The following LAMP2 variants were observed in gnomAD, a reference collection of about 807,000 sequenced individuals.
The protein encoded by LAMP2 is lysosome-associated membrane glycoprotein 2.
LAMP2 carries 4 observed loss-of-function variants against 25.6 expected under a neutral mutation model. The ratio of observed to expected loss-of-function variants is 0.16; its 90% CI spans 0.08 to 0.36. LAMP2 has a LOEUF of 0.36. Among genes scored for constraint, LAMP2 ranks in the 10% least tolerant of loss-of-function variants. LAMP2 has a pLI of 1.00. For missense variants in LAMP2, 272 were observed against 301.4 expected, an observed-to-expected ratio of 0.90 and a Z score of 0.72; for synonymous variants, 108 against 112.7, an observed-to-expected ratio of 0.96 and a Z score of 0.27.
chrX:120,448,823 A>G, intron 4 of LAMP2, 147 bp downstream of exon 4: 1 of 496,274 alleles, frequency 2.0e-6, no homozygotes, highest in Non-Finnish European at 3.4e-6. Context: ...AAGAATTGCT[A>G]TTATTTACAA....
chrX:120,449,672 C>G (rs927330721), intron 3 of LAMP2, among the ~76,000 whole-genome samples: 1 of 112,148 alleles, frequency 8.9e-6, no homozygotes, highest in African/African-American at 3.2e-5. Context: ...GAAGGAAAGA[C>G]AAGTTGCAGG....
intron 3 of LAMP2, 76 bp from the exon 4 acceptor site, chrX:120,449,204 C>T: frequency 1.2e-6 from 1 of 819,345 alleles, no homozygotes; most frequent in Non-Finnish European, 1.8e-6. Context: ...TTTGTATAGG[C>T]TTTCTTCTTC....
At chrX:120,459,704 G>A (rs1294936765) in intron 1 of LAMP2, among the ~76,000 whole-genome samples, 2 of 112,307 alleles carry the variant, frequency 1.8e-5, no homozygotes. Context: ...TATAACAGAT[G>A]TAAGGGAAAA....
intron 1 of LAMP2, among the ~76,000 whole-genome samples, chrX:120,458,526 T>G (rs776614146): frequency 9.0e-6 from 1 of 111,396 alleles, no homozygotes; most frequent in South Asian, 3.8e-4. Flanking sequence ...ACCCTGAGGG[T>G]TCTGGCACAC....
In LAMP2 at chrX:120,435,100, C is replaced by T. The variant is rs1017417482; in HGVS notation, c.1094-3638G>A. Among the ~76,000 whole-genome samples, 5 of 111,908 alleles carry T rather than the reference C, an allele frequency of 4.5e-5. No homozygotes were observed. In the Admixed American group the frequency reaches 4.8e-4, roughly 11 times the overall value. ...AGCTGAGATCACACCACTATACACACCCAAGCCTGGGCAACAGAGCGAGAC... is the reference window on the plus strand; with the variant it reads ...AGCTGAGATCACACCACTATACACATCCAAGCCTGGGCAACAGAGCGAGAC... On this transcript the variant is annotated intron_variant, in intron 8 of 8. Transcript: ENST00000200639.
chrX:120,455,755 G>A (rs1921066058), intron 2 of LAMP2, among the ~76,000 whole-genome samples, 185 bp from the exon 3 acceptor site: 1 of 108,996 alleles, frequency 9.2e-6, no homozygotes, highest in Non-Finnish European at 1.9e-5. Flanking sequence ...GGATAAATTC[G>A]TGTATGTCTA....
chrX:120,446,486 C>G, intron 5 of LAMP2, 59 bp from the exon 6 acceptor site: 2 of 1,125,078 alleles, frequency 1.8e-6, no homozygotes, highest in Non-Finnish European at 2.4e-6. Flanking sequence ...GCCAGCAAAG[C>G]CTTACACTCT....
At chrX:120,460,503 T>C (rs1921272163) in intron 1 of LAMP2, among the ~76,000 whole-genome samples, 1 of 112,147 alleles carries the variant, frequency 8.9e-6, no homozygotes, top group African/African-American at 3.2e-5. Flanking sequence ...ACACTATAGA[T>C]TAATTTTATC....
intron 3 of LAMP2, among the ~76,000 whole-genome samples, chrX:120,453,213 G>A (rs1408373695): frequency 8.9e-6 from 1 of 111,926 alleles, no homozygotes; most frequent in African/African-American, 3.2e-5. Context: ...ATTTGCTTTA[G>A]TTATACTCTC....
intron 5 of LAMP2, among the ~76,000 whole-genome samples, chrX:120,447,626 C>T (rs1210700280): frequency 1.8e-5 from 2 of 110,298 alleles, no homozygotes; most frequent in African/African-American, 3.3e-5. Context: ...AGGAGAATGG[C>T]GTGAACCCGG....
At chrX:120,465,748 C>A (rs938854813) in intron 1 of LAMP2, among the ~76,000 whole-genome samples, 2 of 112,105 alleles carry the variant, frequency 1.8e-5, no homozygotes, top group Non-Finnish European at 3.8e-5. Flanking sequence ...CCGTACAGTA[C>A]CCAGGCACAG....
chrX:120,449,280 T>G (rs1203501797), intron 3 of LAMP2, 152 bp from the exon 4 acceptor site: 1 of 468,110 alleles, frequency 2.1e-6, no homozygotes, highest in East Asian at 3.8e-5. Context: ...GCATGACTAG[T>G]TCACTGTGGC....
At chrX:120,461,986 T>G (rs942688316) in intron 1 of LAMP2, among the ~76,000 whole-genome samples, 2 of 111,922 alleles carry the variant, frequency 1.8e-5, no homozygotes, top group Non-Finnish European at 1.9e-5. Flanking sequence ...TACACTTTAT[T>G]AAAAAGTATC....
In LAMP2 at chrX:120,429,146, ATGTG is replaced by A. The variant is rs1343759570; in HGVS notation, c.*2173_*2176del. The A allele has an allele frequency of 8.8e-6, 6 of 678,178 alleles. No homozygotes were observed. The highest frequency in any genetic ancestry group is 9.5e-5 in the Admixed American group (1 of 10,578). The allele number at this position is 678,178 out of a possible 1,213,427, so 55.9% of individuals were successfully genotyped here. A position where few individuals can be genotyped will look rare whatever the true frequency, so the allele number is the denominator to read the frequency against. On this transcript the variant is annotated 3_prime_UTR_variant, in exon 9 of 9. Coordinates refer to ENST00000200639, the MANE Select transcript of LAMP2 (RefSeq NM_002294.3). ...TATATATATGTGTGTGTGTATATAT[ATGTG>A]TGTGTGTGTACATATATATATATAT...
intron 8 of LAMP2, chrX:120,439,442 A>G (rs1210969990): frequency 3.8e-6 from 2 of 521,408 alleles, no homozygotes; most frequent in Non-Finnish European, 6.5e-6. Context: ...ATAAAGCTAT[A>G]GAAAATGGAG....
intron 8 of LAMP2, chrX:120,438,680 T>C (rs12862637): frequency 1.4e-6 from 1 of 738,262 alleles, no homozygotes; most frequent in African/African-American, 2.8e-5. Flanking sequence ...TAAGTTAACC[T>C]GCAAACAAAA....
At chrX:120,431,564 GT>G in intron 8 of LAMP2, 102 bp from the exon 9 acceptor site, 1 of 736,251 alleles carries the variant, frequency 1.4e-6, no homozygotes, top group Non-Finnish European at 2.1e-6. Context: ...GCATATTTTG[GT>G]TTTTTATACC....
chrX:120,463,640 G>A (rs1018877488), intron 1 of LAMP2, among the ~76,000 whole-genome samples: 1 of 111,818 alleles, frequency 8.9e-6, no homozygotes, highest in Non-Finnish European at 1.9e-5. Context: ...AATAATGCTT[G>A]GTTATAGACA....
Position 120,429,120 on chromosome X carries a change from GTA to G in LAMP2, c.*2201_*2202del, listed in dbSNP as rs776510193. 4.5e-4 allele frequency: 265 copies of G among 590,863 alleles called. No individual in the cohort carries two copies. In the African/African-American group the frequency reaches 5.4e-3, roughly 12 times the overall value. 48.7% of individuals were successfully genotyped at this position (590,863 alleles called of 1,213,427 possible). A position where few individuals can be genotyped will look rare whatever the true frequency, so the allele number is the denominator to read the frequency against. On this transcript the variant is annotated 3_prime_UTR_variant, in exon 9 of 9. Coordinates refer to ENST00000200639, the MANE Select transcript of LAMP2 (RefSeq NM_002294.3). The stretch of plus-strand genomic sequence containing the variant: ...TATATGTGTATATATATGTATATGT[GTA>G]TATATATGTGTGTGTGTATATATAT...
Sources: gnomAD v4.1 joint callset for allele counts (sites outside exome capture counted in the v4.1 genomes callset) on GRCh38, gnomAD v4.1.1 for gene constraint, MANE v1.5 for transcripts, NCBI Gene and HGNC (gene_info 2026-07-23, HGNC 2026-07-21) for gene names.